TFCP2L1: variants seen among roughly 807,000 people sequenced by gnomAD.
TFCP2L1 encodes transcription factor CP2 like 1, also known as transcription factor CP2-like protein 1.
A neutral mutation model predicts 72.2 loss-of-function variants in TFCP2L1; 12 were observed. The observed-to-expected ratio is 0.17, with a 90% CI of 0.11 to 0.27. TFCP2L1 has a LOEUF of 0.27. Among genes scored for constraint, TFCP2L1 ranks in the 10% least tolerant of loss-of-function variants. The probability of loss-of-function intolerance (pLI) is 1.00; values close to 1 mark genes in which losing one functional copy is unlikely to be tolerated. For missense variants in TFCP2L1, 488 were observed against 624.6 expected, an observed-to-expected ratio of 0.78 and a Z score of 2.33; for synonymous variants, 260 against 251.0, an observed-to-expected ratio of 1.04 and a Z score of -0.34.
chr2:121,267,467 C>G (rs1686953453), intron 2 of TFCP2L1, among the ~76,000 whole-genome samples: 1 of 151,942 alleles, frequency 6.6e-6, no homozygotes, highest in Non-Finnish European at 1.5e-5. Flanking sequence ...AAGTTTGACA[C>G]GACCATGTAG....
At chr2:121,232,327 T>C (rs892077406) in intron 12 of TFCP2L1, among the ~76,000 whole-genome samples, 1 of 151,920 alleles carries the variant, frequency 6.6e-6, no homozygotes, top group East Asian at 1.9e-4. Flanking sequence ...TTAGTAGAAA[T>C]GGGGTTTCAC....
At chr2:121,277,457 T>G (rs1687170408) in intron 2 of TFCP2L1, among the ~76,000 whole-genome samples, 1 of 152,252 alleles carries the variant, frequency 6.6e-6, no homozygotes, top group Admixed American at 6.5e-5. Context: ...CGTAAATTGG[T>G]GCATTCTTCT....
At chr2:121,269,578 T>C (rs1687002560) in intron 2 of TFCP2L1, among the ~76,000 whole-genome samples, 1 of 152,106 alleles carries the variant, frequency 6.6e-6, no homozygotes, top group Non-Finnish European at 1.5e-5. Flanking sequence ...CTGGCCAACA[T>C]AGAGACCCTT....
chr2:121,245,265 G>C (rs1686457848), intron 6 of TFCP2L1, among the ~76,000 whole-genome samples: 1 of 152,206 alleles, frequency 6.6e-6, no homozygotes, highest in African/African-American at 2.4e-5. Flanking sequence ...GGCTTTGGAA[G>C]CTGGAATAGG....
At chr2:121,262,336 G>A (rs1196474747) in intron 2 of TFCP2L1, among the ~76,000 whole-genome samples, 3 of 152,006 alleles carry the variant, frequency 2.0e-5, no homozygotes, top group African/African-American at 7.2e-5. Flanking sequence ...GTGGTGGCGG[G>A]CGCCTGTAAC....
At chr2:121,244,346 C>A (rs553700064) in intron 6 of TFCP2L1, among the ~76,000 whole-genome samples, 1 of 152,314 alleles carries the variant, frequency 6.6e-6, no homozygotes, top group African/African-American at 2.4e-5. Context: ...GGGTGACCGG[C>A]GAACGGAGGG....
At chr2:121,266,882 ATTAT>A (rs199919633) in intron 2 of TFCP2L1, among the ~76,000 whole-genome samples, 31,858 of 145,608 alleles carry the variant, frequency 0.22, 3,558 homozygotes, top group East Asian at 0.29. Context: ...TATTTTTTTC[ATTAT>A]TTATTTATTT....
At chr2:121,265,861 T>C (rs1686919844) in intron 2 of TFCP2L1, among the ~76,000 whole-genome samples, 1 of 146,534 alleles carries the variant, frequency 6.8e-6, no homozygotes, top group Non-Finnish European at 1.5e-5. Context: ...TTCCAAGTAG[T>C]AATCTTTTTT....
intron 13 of TFCP2L1, 31 bp downstream of exon 13, chr2:121,231,795 T>C (rs748431477): frequency 6.8e-6 from 11 of 1,608,820 alleles, no homozygotes; most frequent in Non-Finnish European, 9.3e-6. Flanking sequence ...CCAGAGCCCG[T>C]TGTCGGGGCA....
chr2:121,237,761 A>T (rs746103370), intron 9 of TFCP2L1, 41 bp downstream of exon 9: 1 of 1,613,908 alleles, frequency 6.2e-7, no homozygotes, highest in Non-Finnish European at 8.5e-7. Context: ...CTCAGGGCCC[A>T]CGAGGGACCA....
intron 5 of TFCP2L1, 21 bp downstream of exon 5, chr2:121,248,143 G>A (rs539219856): frequency 2.5e-6 from 4 of 1,609,498 alleles, no homozygotes; most frequent in Non-Finnish European, 3.4e-6. Context: ...TCCCCTGGAG[G>A]GCAAGCTCCC....
intron 4 of TFCP2L1, 37 bp downstream of exon 4, chr2:121,248,945 C>G: frequency 6.7e-7 from 1 of 1,500,492 alleles, no homozygotes; most frequent in Non-Finnish European, 9.0e-7. Context: ...CTGGGTGCCT[C>G]GAGCCTTGCC....
At position 121,223,324 on chromosome 2, in the gene TFCP2L1, G is replaced by A. The variant is rs1685961903; in HGVS notation, c.*1017C>T. The stretch of plus-strand genomic sequence containing the variant: ...AAGATGATGCACCCATTCTGATGCA[G>A]GCAAAATATCCTAAACATAGCCTCT... On this transcript the variant is annotated 3_prime_UTR_variant, in exon 15 of 15. Coordinates refer to ENST00000263707, the MANE Select transcript of TFCP2L1 (RefSeq NM_014553.3). The A allele has an allele frequency of 6.6e-6, 1 of 152,172 alleles. No homozygotes were observed. The highest frequency in any genetic ancestry group is 1.5e-5 in the Non-Finnish European group (1 of 68,030). 9.4% of individuals were successfully genotyped at this position (152,172 alleles called of 1,614,324 possible).
intron 2 of TFCP2L1, among the ~76,000 whole-genome samples, chr2:121,269,770 G>A (rs537552916): frequency 1.2e-4 from 18 of 151,698 alleles, no homozygotes; most frequent in Admixed American, 5.3e-4. Context: ...TTAGCCAGGC[G>A]TGGTAGTGGA....
At chr2:121,248,870 A>G in intron 4 of TFCP2L1, 112 bp downstream of exon 4, 1 of 765,092 alleles carries the variant, frequency 1.3e-6, no homozygotes. Flanking sequence ...TACACAGAGC[A>G]GGTGCAAGCT....
In TFCP2L1 at chr2:121,221,133, C is replaced by T. The variant is rs1685921187; in HGVS notation, c.*3208G>A. On this transcript the variant is annotated 3_prime_UTR_variant, in exon 15 of 15. Transcript: ENST00000263707. The stretch of plus-strand genomic sequence containing the variant: ...GACCTCAGAAGACTAAAGGTCTAGT[C>T]CTGGTCCTTCCACTAATGGGCTATG... The T allele has an allele frequency of 6.6e-6, 1 of 152,184 alleles. No individual in the cohort carries two copies. Among genetic ancestry groups the T allele is most frequent in the Admixed American group, 6.5e-5 (1 of 15,272 alleles). 9.4% of individuals were successfully genotyped at this position (152,184 alleles called of 1,614,324 possible). A position where few individuals can be genotyped will look rare whatever the true frequency, so the allele number is the denominator to read the frequency against.
chr2:121,250,699 T>C (rs931770439), intron 2 of TFCP2L1, among the ~76,000 whole-genome samples: 10 of 150,936 alleles, frequency 6.6e-5, no homozygotes, highest in Admixed American at 6.6e-4. Context: ...CTCCGCCTTG[T>C]GGGTTCAAGT....
intron 2 of TFCP2L1, among the ~76,000 whole-genome samples, chr2:121,268,502 C>T (rs1346544530): frequency 1.3e-5 from 2 of 152,092 alleles, no homozygotes; most frequent in Non-Finnish European, 2.9e-5. Context: ...CACAGGCGTG[C>T]ACCACCTTGC....
chr2:121,255,833 C>T (rs528535268), intron 2 of TFCP2L1, among the ~76,000 whole-genome samples: 1 of 151,968 alleles, frequency 6.6e-6, no homozygotes, highest in Admixed American at 6.6e-5. Context: ...AGCTCTGCCT[C>T]CCGGGTTCAC....
Sources: gnomAD v4.1 joint callset for allele counts (sites outside exome capture counted in the v4.1 genomes callset) on GRCh38, gnomAD v4.1.1 for gene constraint, MANE v1.5 for transcripts, NCBI Gene and HGNC (gene_info 2026-07-23, HGNC 2026-07-21) for gene names.